PEAK1: variants seen among roughly 807,000 people sequenced by gnomAD.
PEAK1 encodes pseudopodium enriched atypical kinase 1.
In PEAK1, 54 loss-of-function variants were observed where a neutral mutation model predicts 124.7. The ratio of observed to expected loss-of-function variants is 0.43; its 90% CI spans 0.35 to 0.54. The LOEUF (loss-of-function observed/expected upper bound fraction) is 0.54, where lower values mean the gene tolerates loss of function less well. Among genes scored for constraint, PEAK1 ranks in the 20% least tolerant of loss-of-function variants. The pLI is 0.01. For synonymous variants in PEAK1, 719 were observed against 760.0 expected, an observed-to-expected ratio of 0.95 and a Z score of 0.89; for missense variants, 2,046 against 2,134.5, an observed-to-expected ratio of 0.96 and a Z score of 0.82.
At chr15:77,103,028 T>C (rs1440417424) in exon 7 of PEAK1, 1 of 152,232 alleles carries the variant, frequency 6.6e-6, no homozygotes, top group Non-Finnish European at 1.5e-5. Flanking sequence ...CCTATGTGAC[T>C]GAACGCCTGA....
chr15:77,252,781 T>C (rs531064871), intron 5 of PEAK1, among the ~76,000 whole-genome samples: 1 of 152,268 alleles, frequency 6.6e-6, no homozygotes, highest in East Asian at 1.9e-4. Context: ...ATTTTCTAAG[T>C]CTTCATTTGA....
intron 6 of PEAK1, among the ~76,000 whole-genome samples, chr15:77,188,976 A>T (rs1015452581): frequency 6.6e-6 from 1 of 152,122 alleles, no homozygotes; most frequent in African/African-American, 2.4e-5. Flanking sequence ...CAAGGCGGGC[A>T]GATCACCTGA....
rs55866391 is a variant in PEAK1, at chr15:77,408,154, TACACACACACAC to T, written c.-666+11840_-666+11851del. On this transcript the variant is annotated intron_variant, in intron 1 of 9. Transcript: ENST00000682557. ...AGACACATGTATACACATATATACA[TACACACACACAC>T]ACACACACACACACACACACACCCT... Among the ~76,000 whole-genome samples the T allele has an allele frequency of 1.1e-4, 16 of 144,416 alleles. No homozygotes were observed. In the South Asian group the frequency reaches 1.5e-3, roughly 14 times the overall value. 94.7% of individuals were successfully genotyped at this position (144,416 alleles called of 152,430 possible). A position where few individuals can be genotyped will look rare whatever the true frequency, so the allele number is the denominator to read the frequency against.
chr15:77,150,058 T>C (rs2054469237), intron 8 of PEAK1, among the ~76,000 whole-genome samples: 1 of 152,162 alleles, frequency 6.6e-6, no homozygotes, highest in Non-Finnish European at 1.5e-5. Flanking sequence ...CAGCATCACA[T>C]ACTTTTAAAA....
intron 2 of PEAK1, among the ~76,000 whole-genome samples, chr15:77,288,509 C>CA (rs2063041411): frequency 6.6e-6 from 1 of 152,104 alleles, no homozygotes; most frequent in Non-Finnish European, 1.5e-5. Flanking sequence ...AAACTAATGA[C>CA]AAAGCAGCAT....
At chr15:77,136,050 A>G (rs2053294568) in intron 8 of PEAK1, among the ~76,000 whole-genome samples, 1 of 152,174 alleles carries the variant, frequency 6.6e-6, no homozygotes, top group African/African-American at 2.4e-5. Flanking sequence ...GGAAATGTGG[A>G]AAAGTTTGCA....
chr15:77,365,991 G>A (rs766848743), intron 1 of PEAK1, among the ~76,000 whole-genome samples: 7 of 152,060 alleles, frequency 4.6e-5, no homozygotes, highest in Non-Finnish European at 1.0e-4. Flanking sequence ...TGTCTACTAA[G>A]TATGAAAAAT....
chr15:77,276,137 C>T (rs2062311888), intron 5 of PEAK1, among the ~76,000 whole-genome samples: 1 of 152,052 alleles, frequency 6.6e-6, no homozygotes, highest in African/African-American at 2.4e-5. Flanking sequence ...ATATTCATGT[C>T]ATCAGAGTCT....
At position 77,356,391 on chromosome 15, in the gene PEAK1, G is replaced by C. The variant is rs903181239; in HGVS notation, c.-603+8772C>G. ...TATTAGAGAGGCTGTAAAACAACAG[G>C]ATTTCTCATACATCAATGGTAGGAG... is the stretch of plus-strand genomic sequence containing the variant. On this transcript the variant is annotated intron_variant, in intron 2 of 9. Transcript: ENST00000682557. 2.0e-5 allele frequency among the ~76,000 whole-genome samples: 3 copies of C among 152,110 alleles called. No homozygotes were observed. In the South Asian group the frequency reaches 6.2e-4, roughly 32 times the overall value.
chr15:77,127,740 A>C (rs1026698695), intron 9 of PEAK1, among the ~76,000 whole-genome samples: 4 of 152,316 alleles, frequency 2.6e-5, no homozygotes, highest in Non-Finnish European at 2.9e-5. Flanking sequence ...GAGCAAAAAG[A>C]AACCAGAACG....
intron 9 of PEAK1, among the ~76,000 whole-genome samples, chr15:77,124,267 G>C (rs1190825374): frequency 6.6e-6 from 1 of 152,194 alleles, no homozygotes; most frequent in East Asian, 1.9e-4. Flanking sequence ...CCACTTTGCA[G>C]ACTCTTCCAT....
intron 2 of PEAK1, among the ~76,000 whole-genome samples, chr15:77,300,358 C>T (rs535808230): frequency 1.3e-5 from 2 of 152,220 alleles, no homozygotes; most frequent in African/African-American, 4.8e-5. Flanking sequence ...CTTCCTCCAA[C>T]AGATAATTGC....
At chr15:77,314,729 T>C (rs767002216) in intron 2 of PEAK1, among the ~76,000 whole-genome samples, 9 of 152,134 alleles carry the variant, frequency 5.9e-5, no homozygotes, top group Non-Finnish European at 8.8e-5. Flanking sequence ...AATGACTTGG[T>C]TGATGGCCTT....
At chr15:77,410,077 T>G (rs899755928) in intron 1 of PEAK1, among the ~76,000 whole-genome samples, 130 of 143,084 alleles carry the variant, frequency 9.1e-4, no homozygotes, top group Middle Eastern at 3.6e-3. Context: ...GTGTGTGTGT[T>G]TTTTTTTTTT....
In PEAK1 at chr15:77,406,400, G is replaced by C. The variant is rs538392319; in HGVS notation, c.-666+13606C>G. Among the ~76,000 whole-genome samples the C allele has an allele frequency of 1.5e-3, 235 of 152,280 alleles. 3 individuals carry two copies. Among genetic ancestry groups the C allele is most frequent in the Non-Finnish European group, 2.4e-3 (165 of 68,022 alleles). ...AAAACCCTAAAGACTCATCCAAAAA[G>C]CTCCTAGGTCTGATAAATGAATTCA... On this transcript the variant is annotated intron_variant, in intron 1 of 9. Coordinates refer to ENST00000682557, the MANE Select transcript of PEAK1 (RefSeq NM_001385026.1).
chr15:77,233,443 G>A (rs1454626437), intron 6 of PEAK1, among the ~76,000 whole-genome samples: 9 of 152,010 alleles, frequency 5.9e-5, no homozygotes, highest in Admixed American at 5.9e-4. Flanking sequence ...TCTAGCTTCT[G>A]GGTTACCACA....
At chr15:77,398,648 G>A (rs555561628) in intron 1 of PEAK1, among the ~76,000 whole-genome samples, 27 of 152,260 alleles carry the variant, frequency 1.8e-4, no homozygotes, top group Admixed American at 1.0e-3. Context: ...TGACGGAACC[G>A]CAGCTAGTAT....
intron 2 of PEAK1, among the ~76,000 whole-genome samples, chr15:77,329,242 C>G (rs2065760260): frequency 6.6e-6 from 1 of 152,138 alleles, no homozygotes; most frequent in Non-Finnish European, 1.5e-5. Context: ...CTCTTCATGT[C>G]ACCTGGAGGG....
intron 6 of PEAK1, among the ~76,000 whole-genome samples, chr15:77,183,497 A>C (rs778323224): frequency 6.6e-6 from 1 of 152,362 alleles, no homozygotes; most frequent in Non-Finnish European, 1.5e-5. Flanking sequence ...TTTGTAATCA[A>C]TTTTGATGAG....
Sources: gnomAD v4.1 joint callset for allele counts (sites outside exome capture counted in the v4.1 genomes callset) on GRCh38, gnomAD v4.1.1 for gene constraint, MANE v1.5 for transcripts, NCBI Gene and HGNC (gene_info 2026-07-23, HGNC 2026-07-21) for gene names.